The following SRPK1 variants were observed in gnomAD, a reference collection of about 807,000 sequenced individuals.
SRPK1 encodes SFRS protein kinase 1.
SRPK1 carries 52 observed loss-of-function variants against 89.5 expected under a neutral mutation model. That is an observed-to-expected ratio of 0.58 (90% CI 0.46 to 0.73). The LOEUF is 0.73. Among genes scored for constraint, SRPK1 ranks in the 30% least tolerant of loss-of-function variants. The pLI is 0.00. For missense variants in SRPK1, 603 were observed against 780.6 expected, an observed-to-expected ratio of 0.77 and a Z score of 2.71; for synonymous variants, 255 against 270.2, an observed-to-expected ratio of 0.94 and a Z score of 0.55.
intron 2 of SRPK1, among the ~76,000 whole-genome samples, chr6:35,897,429 G>A (rs1770647997): frequency 6.6e-6 from 1 of 152,168 alleles, no homozygotes; most frequent in African/African-American, 2.4e-5. Context: ...AAAAAGCAAT[G>A]GGTAAAAGTA....
At chr6:35,868,412 T>A (rs958699029) in intron 12 of SRPK1, among the ~76,000 whole-genome samples, 9 of 152,218 alleles carry the variant, frequency 5.9e-5, no homozygotes, top group Non-Finnish European at 1.2e-4. Flanking sequence ...AAAGCCCTTT[T>A]AAAAATCACA....
chr6:35,904,256 G>C (rs1770801591), intron 2 of SRPK1, among the ~76,000 whole-genome samples: 1 of 152,118 alleles, frequency 6.6e-6, no homozygotes, highest in Non-Finnish European at 1.5e-5. Flanking sequence ...TTGAAAAACT[G>C]GATACTATGG....
At chr6:35,859,502 C>G (rs938317241) in intron 12 of SRPK1, among the ~76,000 whole-genome samples, 2 of 152,110 alleles carry the variant, frequency 1.3e-5, no homozygotes, top group African/African-American at 4.8e-5. Context: ...TCACAGTTGG[C>G]CCAGAACTCA....
chr6:35,875,089 T>C (rs1457981149), intron 6 of SRPK1, among the ~76,000 whole-genome samples: 2 of 152,112 alleles, frequency 1.3e-5, no homozygotes, highest in Non-Finnish European at 2.9e-5. Context: ...TTTAACATTC[T>C]CCATTAAAGG....
At chr6:35,913,838 A>C (rs961599425) in intron 2 of SRPK1, among the ~76,000 whole-genome samples, 2 of 151,844 alleles carry the variant, frequency 1.3e-5, no homozygotes, top group Non-Finnish European at 1.5e-5. Flanking sequence ...AAAAAGAAAA[A>C]GCAGAGGAAA....
At position 35,869,463 on chromosome 6, in the gene SRPK1, A is replaced by C; in HGVS notation, c.1411+19T>G. 6.2e-7 allele frequency: 1 copy of C among 1,605,768 alleles called. No individual in the cohort carries two copies. Among genetic ancestry groups the C allele is most frequent in the Non-Finnish European group, 8.5e-7 (1 of 1,173,812 alleles). On this transcript the variant is annotated intron_variant, in intron 11 of 15. Coordinates refer to ENST00000373825, the MANE Select transcript of SRPK1 (RefSeq NM_003137.5). ...TTGTGCAGGGAAGGAGTGTTGAGGAAGTATAGCTGCATAGGTACCTTTGTT... is the reference window on the plus strand; with the variant it reads ...TTGTGCAGGGAAGGAGTGTTGAGGACGTATAGCTGCATAGGTACCTTTGTT...
chr6:35,903,415 A>C (rs918806599), intron 2 of SRPK1, among the ~76,000 whole-genome samples: 1 of 151,838 alleles, frequency 6.6e-6, no homozygotes, highest in Non-Finnish European at 1.5e-5. Flanking sequence ...GGGAGGCTGA[A>C]GCACGAGAAT....
At chr6:35,902,015 A>T (rs1380921082) in intron 2 of SRPK1, among the ~76,000 whole-genome samples, 1 of 152,006 alleles carries the variant, frequency 6.6e-6, no homozygotes, top group Non-Finnish European at 1.5e-5. Flanking sequence ...TATACTCCAA[A>T]CTCTACCATA....
intron 8 of SRPK1, among the ~76,000 whole-genome samples, chr6:35,871,419 T>A (rs1474984825): frequency 6.6e-6 from 1 of 152,212 alleles, no homozygotes. Flanking sequence ...CTTCCTCTTT[T>A]TAAAATATTA....
intron 6 of SRPK1, among the ~76,000 whole-genome samples, chr6:35,877,842 C>CAA (rs61242263): frequency 1.0e-4 from 13 of 126,596 alleles, no homozygotes; most frequent in African/African-American, 3.0e-4. Context: ...GACTCCGTCT[C>CAA]AAAAAAAAAA....
rs1240167665 is a variant in SRPK1, at chr6:35,833,286, A to G, written c.*2018T>C. ...TCCATCTGGCTCCTTAAATAGGGGA[A>G]AAAGCCCTTATTTGGTGGAGAAGCA... On this transcript the variant is annotated 3_prime_UTR_variant, in exon 16 of 16. Coordinates refer to ENST00000373825, the MANE Select transcript of SRPK1 (RefSeq NM_003137.5). The G allele has an allele frequency of 6.6e-6, 1 of 152,546 alleles. No homozygotes were observed. The highest frequency in any genetic ancestry group is 1.5e-5 in the Non-Finnish European group (1 of 68,034). 9.4% of individuals were successfully genotyped at this position (152,546 alleles called of 1,614,324 possible).
At chr6:35,871,425 TA>T (rs1255616146) in intron 8 of SRPK1, among the ~76,000 whole-genome samples, 1 of 152,224 alleles carries the variant, frequency 6.6e-6, no homozygotes. Flanking sequence ...CTTTTTAAAA[TA>T]TTAGTATAAT....
chr6:35,908,746 T>C (rs934921345), intron 2 of SRPK1, among the ~76,000 whole-genome samples: 1 of 152,142 alleles, frequency 6.6e-6, no homozygotes, highest in Non-Finnish European at 1.5e-5. Flanking sequence ...GAAAATGTCG[T>C]CAGGGCATGT....
At chr6:35,913,209 A>C (rs1339292652) in intron 2 of SRPK1, among the ~76,000 whole-genome samples, 1 of 152,256 alleles carries the variant, frequency 6.6e-6, no homozygotes, top group Non-Finnish European at 1.5e-5. Flanking sequence ...TAGAAACACT[A>C]ATGTAAATAA....
At chr6:35,895,435 TTGTGTGTGTGTGTGTGTG>T (rs10566123) in intron 2 of SRPK1, among the ~76,000 whole-genome samples, 3 of 147,968 alleles carry the variant, frequency 2.0e-5, no homozygotes, top group Non-Finnish European at 4.5e-5. Context: ...AGGCATATGC[TTGTGTGTGTGTGTGTGTG>T]TGTGTGTGTG....
At chr6:35,915,188 C>T (rs948101028) in intron 2 of SRPK1, among the ~76,000 whole-genome samples, 7 of 151,730 alleles carry the variant, frequency 4.6e-5, no homozygotes, top group East Asian at 3.9e-4. Context: ...CAGAACGCGA[C>T]GTCAGGAGAT....
intron 13 of SRPK1, among the ~76,000 whole-genome samples, chr6:35,855,234 G>A (rs1233934710): frequency 1.3e-5 from 2 of 152,044 alleles, no homozygotes; most frequent in East Asian, 1.9e-4. Context: ...CCTGGGAGGC[G>A]GAGCTTGCAG....
chr6:35,888,753 A>T, intron 4 of SRPK1, 62 bp downstream of exon 4: 2 of 1,084,040 alleles, frequency 1.8e-6, no homozygotes, highest in Non-Finnish European at 2.9e-6. Context: ...AGCAGTGGAA[A>T]CTCAGACAAA....
Position 35,920,958 on chromosome 6 carries a change from G to T in SRPK1, c.13+86C>A, listed in dbSNP as rs1379851513. 3.5e-6 allele frequency: 5 copies of T among 1,444,596 alleles called. No homozygotes were observed. In the African/African-American group the frequency reaches 4.5e-5, roughly 13 times the overall value. The allele number at this position is 1,444,596 out of a possible 1,614,324, so 89.5% of individuals were successfully genotyped here. On this transcript the variant is annotated intron_variant, in intron 1 of 15. Transcript: ENST00000373825. ...GCCGCACGTCCGGGAACCGAACCGC[G>T]GCAGTTAAGCGAAGCTCCCGGCGCT...
Sources: allele counts gnomAD v4.1 joint callset (sites outside exome capture counted in the v4.1 genomes callset), GRCh38; gene constraint gnomAD v4.1.1; transcripts MANE v1.5; gene names NCBI Gene and HGNC (gene_info 2026-07-23, HGNC 2026-07-21).